The following AGBL4 variants were observed in gnomAD, a reference collection of about 807,000 sequenced individuals.
The protein encoded by AGBL4 is AGBL carboxypeptidase 4, also known as cytosolic carboxypeptidase 6.
A neutral mutation model predicts 66.4 loss-of-function variants in AGBL4; 58 were observed. The ratio of observed to expected loss-of-function variants is 0.87; its 90% confidence interval spans 0.71 to 1.09. The LOEUF is 1.09. Ranked by LOEUF, AGBL4 falls within the 50% of genes least tolerant of loss-of-function variation. The probability of loss-of-function intolerance (pLI) is 0.00; values close to 1 mark genes in which losing one functional copy is unlikely to be tolerated. For synonymous variants in AGBL4, 234 were observed against 222.9 expected (o/e 1.05, Z -0.44); for missense variants, 579 against 631.0 (o/e 0.92, Z 0.88).
At chr1:49,842,373 A>G in intron 2 of AGBL4, 1 of 603,042 alleles carries the variant, frequency 1.7e-6, no homozygotes, top group Non-Finnish European at 2.6e-6. Context: ...GGAGTTCCCC[A>G]AGGCATGTAC....
chr1:48,737,283 CA>C (rs956301403), intron 6 of AGBL4, among the ~76,000 whole-genome samples: 7 of 150,650 alleles, frequency 4.6e-5, no homozygotes, highest in African/African-American at 1.5e-4. Context: ...GACTCCGTCT[CA>C]AAAAGAAAAA....
At chr1:49,001,994 T>G (rs1188873493) in intron 5 of AGBL4, among the ~76,000 whole-genome samples, 1 of 152,218 alleles carries the variant, frequency 6.6e-6, no homozygotes, top group Admixed American at 6.5e-5. Flanking sequence ...TGGTAAATAT[T>G]GCATTAAGTA....
intron 1 of AGBL4, among the ~76,000 whole-genome samples, chr1:49,938,945 A>G (rs1386822623): frequency 1.3e-5 from 2 of 152,134 alleles, no homozygotes; most frequent in Non-Finnish European, 2.9e-5. Flanking sequence ...TTGTATATCT[A>G]GAAAACCCCA....
At chr1:49,022,746 T>C (rs770180785) in intron 5 of AGBL4, among the ~76,000 whole-genome samples, 1 of 152,198 alleles carries the variant, frequency 6.6e-6, no homozygotes, top group Non-Finnish European at 1.5e-5. Context: ...TTAAGACACA[T>C]ACAAATGTCT....
At chr1:49,816,068 T>C (rs892047781) in intron 2 of AGBL4, among the ~76,000 whole-genome samples, 5 of 152,162 alleles carry the variant, frequency 3.3e-5, no homozygotes, top group African/African-American at 1.2e-4. Flanking sequence ...TGTATTTTTT[T>C]AAGAGATGGG....
chr1:49,868,867 T>A (rs1448662031), intron 1 of AGBL4, among the ~76,000 whole-genome samples: 1 of 151,944 alleles, frequency 6.6e-6, no homozygotes, highest in African/African-American at 2.4e-5. Context: ...ATCTGACAAA[T>A]ATCTAATACC....
chr1:49,652,316 A>G (rs1014371864), intron 3 of AGBL4, among the ~76,000 whole-genome samples: 12 of 152,234 alleles, frequency 7.9e-5, no homozygotes, highest in African/African-American at 2.9e-4. Context: ...CTCTTGCTGT[A>G]GAGGTAGACA....
intron 1 of AGBL4, among the ~76,000 whole-genome samples, chr1:49,928,073 T>G (rs532816679): frequency 6.6e-6 from 1 of 151,964 alleles, no homozygotes; most frequent in Non-Finnish European, 1.5e-5. Flanking sequence ...GATAAAAAAT[T>G]ATACTGAATG....
chr1:49,591,494 G>A (rs2883976), intron 3 of AGBL4, among the ~76,000 whole-genome samples: 17,841 of 152,006 alleles, frequency 0.12, 1,594 homozygotes, highest in African/African-American at 0.24. Context: ...ATTCTCTATC[G>A]TTAAAATGAC....
At chr1:48,719,839 T>C (rs988539635) in intron 6 of AGBL4, among the ~76,000 whole-genome samples, 3 of 152,138 alleles carry the variant, frequency 2.0e-5, no homozygotes, top group Admixed American at 2.0e-4. Context: ...TTGCCTGAGG[T>C]CACAGAGCTG....
chr1:49,243,229 C>G lies in AGBL4; in HGVS notation c.377+2541G>C, dbSNP rs1430019825. On this transcript the variant is annotated intron_variant, in intron 4 of 13. Transcript: ENST00000371839. ...ATTACAAACTTTTTTTGTTATAGTG[C>G]TTGCCTTGGTATTGGGAAAGCTAGA... Among the ~76,000 whole-genome samples, 3 of 151,526 alleles carry G rather than the reference C, an allele frequency of 2.0e-5. No individual in the cohort carries two copies. The Admixed American group carries it at 2.0e-4, about 10-fold the overall frequency.
rs562340684 is a variant in AGBL4 at position 49,150,445 on chromosome 1, GA to G, written c.377+95324del. Among the ~76,000 whole-genome samples, 26 of 152,092 alleles carry G rather than the reference GA, an allele frequency of 1.7e-4. No homozygotes were observed. The South Asian group carries it at 5.2e-3, about 30-fold the overall frequency. On this transcript the variant is annotated intron_variant, in intron 4 of 13. Transcript: ENST00000371839. ...CTACTATGTAAATGGAAAATGCATA[GA>G]AAAAAAGACAAAGGAAATAGGATAC...
chr1:48,696,200 G>T (rs1646711953), intron 6 of AGBL4, among the ~76,000 whole-genome samples: 1 of 152,126 alleles, frequency 6.6e-6, no homozygotes, highest in Non-Finnish European at 1.5e-5. Context: ...CCCAGCTAGG[G>T]TCTGTGGGGG....
In AGBL4 at chr1:49,270,442, AT is replaced by A. The variant is rs111400780; in HGVS notation, c.283-24579del. On this transcript the variant is annotated intron_variant, in intron 3 of 13. Coordinates refer to ENST00000371839, the MANE Select transcript of AGBL4 (RefSeq NM_032785.4). ...AAGCATGTTAAGCTCTCAGGGGGAT[AT>A]TTTTTTTTTTCTCAACCTTTGTTGT... 8.3e-3 allele frequency among the ~76,000 whole-genome samples: 1,218 copies of A among 147,494 alleles called. 12 individuals are homozygous for A. Among genetic ancestry groups the A allele is most frequent in the South Asian group, 0.048 (222 of 4,634 alleles).
intron 3 of AGBL4, among the ~76,000 whole-genome samples, chr1:49,646,420 A>T (rs1291983568): frequency 3.3e-5 from 5 of 151,908 alleles, no homozygotes; most frequent in African/African-American, 9.7e-5. Flanking sequence ...GCTGAAATTT[A>T]AAAAATGCCT....
At chr1:50,002,514 C>T (rs1484426120) in intron 1 of AGBL4, among the ~76,000 whole-genome samples, 3 of 151,172 alleles carry the variant, frequency 2.0e-5, no homozygotes, top group Non-Finnish European at 4.4e-5. Flanking sequence ...GGACTACAGG[C>T]GCCCGCCACC....
chr1:49,279,096 AT>A (rs1300351939), intron 3 of AGBL4, among the ~76,000 whole-genome samples: 2 of 152,174 alleles, frequency 1.3e-5, no homozygotes, highest in African/African-American at 4.8e-5. Flanking sequence ...CAGATAAAAT[AT>A]TTTCTTATTA....
intron 3 of AGBL4, among the ~76,000 whole-genome samples, chr1:49,378,434 G>T (rs974867216): frequency 3.3e-5 from 5 of 152,030 alleles, no homozygotes; most frequent in Admixed American, 2.0e-4. Flanking sequence ...ACCTAACACT[G>T]TTGAGGAGAT....
At chr1:48,971,307 G>A (rs752122393) in intron 5 of AGBL4, among the ~76,000 whole-genome samples, 30 of 152,204 alleles carry the variant, frequency 2.0e-4, no homozygotes, top group South Asian at 4.1e-4. Context: ...TTGTGTGCTC[G>A]TTATGAGAAT....
Sources: allele counts gnomAD v4.1 joint callset (sites outside exome capture counted in the v4.1 genomes callset), GRCh38; gene constraint gnomAD v4.1.1; transcripts MANE v1.5; gene names NCBI Gene and HGNC (gene_info 2026-07-23, HGNC 2026-07-21).